The following TLE1 variants were observed in gnomAD, a reference collection of about 807,000 sequenced individuals.
TLE1 encodes the protein TLE family member 1, transcriptional corepressor.
TLE1 carries 21 observed loss-of-function variants against 89.8 expected under a neutral mutation model. The observed-to-expected ratio is 0.23, with a 90% CI of 0.17 to 0.34. The LOEUF is 0.34. TLE1 is among the 10% of genes least tolerant of loss of function. The pLI is 1.00. For missense variants in TLE1, 795 were observed against 1,031.2 expected (o/e 0.77, Z 3.14); for synonymous variants, 447 against 407.6 (o/e 1.10, Z -1.16).
chr9:81,607,059 C>CAAA (rs1831775231), intron 14 of TLE1, among the ~76,000 whole-genome samples: 1 of 66,220 alleles, frequency 1.5e-5, no homozygotes, highest in African/African-American at 1.2e-4. Flanking sequence ...CCCAGTGTCT[C>CAAA]TAAAAAAAAA....
chr9:81,630,504 T>G (rs1389861947), intron 8 of TLE1, among the ~76,000 whole-genome samples: 2 of 152,154 alleles, frequency 1.3e-5, no homozygotes, highest in African/African-American at 2.4e-5. Flanking sequence ...TCTTACCCAG[T>G]AAGTATCAAA....
At chr9:81,611,440 G>A (rs191920130) in intron 13 of TLE1, among the ~76,000 whole-genome samples, 226 of 152,218 alleles carry the variant, frequency 1.5e-3, no homozygotes, top group African/African-American at 3.8e-3. Flanking sequence ...TCATTTCATC[G>A]CCTTCAAATA....
intron 14 of TLE1, among the ~76,000 whole-genome samples, chr9:81,608,936 A>C: frequency 6.6e-6 from 1 of 152,090 alleles, no homozygotes; most frequent in South Asian, 2.1e-4. Context: ...ACTCCGTCTC[A>C]AAAATAATAA....
intron 4 of TLE1, among the ~76,000 whole-genome samples, chr9:81,661,779 A>C (rs1180813588): frequency 6.6e-6 from 1 of 152,078 alleles, no homozygotes; most frequent in Non-Finnish European, 1.5e-5. Flanking sequence ...AAAAATGTAC[A>C]CAGAAACCTC....
chr9:81,608,556 T>C lies in TLE1; in HGVS notation c.1331+1664A>G, dbSNP rs143742695. 2.3e-3 allele frequency among the ~76,000 whole-genome samples: 356 copies of C among 152,236 alleles called. 2 individuals carry two copies. The highest frequency in any genetic ancestry group is 8.3e-3 in the African/African-American group (346 of 41,538). ...CTAATGTGACATGCAAGTGACGTAC[T>C]GATAAAAGCTGAAAGCAACCACATG... On this transcript the variant is annotated intron_variant, in intron 14 of 19. Transcript: ENST00000376499.
intron 6 of TLE1, among the ~76,000 whole-genome samples, chr9:81,642,733 AAG>A (rs1260415331): frequency 6.6e-6 from 1 of 152,112 alleles, no homozygotes; most frequent in Non-Finnish European, 1.5e-5. Flanking sequence ...GAAAGAAAGA[AAG>A]AGAGAGAAAA....
At chr9:81,640,022 C>T (rs1263340385) in intron 6 of TLE1, among the ~76,000 whole-genome samples, 1 of 152,098 alleles carries the variant, frequency 6.6e-6, no homozygotes, top group Admixed American at 6.6e-5. Flanking sequence ...GGACATATGG[C>T]CATGTGTGGA....
chr9:81,593,051 T>C lies in TLE1; in HGVS notation c.1555A>G (p.Ser519Gly). 6.2e-7 allele frequency: 1 copy of C among 1,613,710 alleles called. No individual in the cohort carries two copies. The highest frequency in any genetic ancestry group is 8.5e-7 in the Non-Finnish European group (1 of 1,179,696). The stretch of plus-strand genomic sequence containing the variant: ...AGACAGTCGAGCTGGGAGACAGGGC[T>C]CTTATTGCCAGGGTGGCTGATGTCC... ...VWDISHPGNK[S>G]PVSQLDCLNR... The change falls in exon 15 of 20, where the codon AGC (serine) becomes GGC (glycine). Residue 519 changes from serine to glycine, a missense_variant. This residue lies in a region of TLE1 where 214 missense variants were observed against 354.9 expected (regional missense o/e 0.60). Transcript: ENST00000376499.
intron 4 of TLE1, among the ~76,000 whole-genome samples, 171 bp from the exon 5 acceptor site, chr9:81,654,207 T>C (rs1829885033): frequency 6.6e-6 from 1 of 152,188 alleles, no homozygotes. Context: ...ACAGTAGATA[T>C]TAATCCCACT....
intron 14 of TLE1, 89 bp downstream of exon 14, chr9:81,610,131 G>T: frequency 1.7e-6 from 2 of 1,186,258 alleles, no homozygotes; most frequent in Non-Finnish European, 1.2e-6. Flanking sequence ...AAACGCCCAA[G>T]CCTGTACTCC....
intron 8 of TLE1, among the ~76,000 whole-genome samples, chr9:81,627,150 CT>C (rs1329951740): frequency 1.3e-5 from 2 of 152,066 alleles, no homozygotes; most frequent in Non-Finnish European, 2.9e-5. Context: ...ACCTCCTTAT[CT>C]CAAAGATGAG....
intron 6 of TLE1, among the ~76,000 whole-genome samples, chr9:81,635,477 A>C (rs910060196): frequency 2.6e-5 from 4 of 152,214 alleles, no homozygotes; most frequent in African/African-American, 9.6e-5. Flanking sequence ...ACATTGTATG[A>C]AATGAAAAAG....
intron 5 of TLE1, among the ~76,000 whole-genome samples, chr9:81,653,720 AAGCT>A (rs1829829310): frequency 6.6e-6 from 1 of 152,204 alleles, no homozygotes; most frequent in South Asian, 2.1e-4. Flanking sequence ...CTTAAAGCAA[AAGCT>A]GTACATTGGA....
At chr9:81,617,570 C>T (rs1347499643) in intron 9 of TLE1, among the ~76,000 whole-genome samples, 4 of 152,018 alleles carry the variant, frequency 2.6e-5, no homozygotes, top group African/African-American at 9.7e-5. Flanking sequence ...GGCGTGGTGG[C>T]GCATGCCTGC....
At position 81,585,701 on chromosome 9, in the gene TLE1, T is replaced by A. The variant is rs770449303; in HGVS notation, c.1978-46A>T. On this transcript the variant is annotated intron_variant, in intron 17 of 19. Transcript: ENST00000376499. Reference sequence around the variant, plus strand: ...TCACTCATTATTCCGCCTGATACACTTAGGAAGGGAAGACGCAATGTGAAA... The same window carrying A: ...TCACTCATTATTCCGCCTGATACACATAGGAAGGGAAGACGCAATGTGAAA... 3 of 1,598,260 alleles carry A rather than the reference T, an allele frequency of 1.9e-6. No individual in the cohort carries two copies. In the South Asian group the frequency reaches 3.3e-5, roughly 18 times the overall value.
intron 8 of TLE1, chr9:81,620,993 G>A: frequency 2.4e-6 from 1 of 411,336 alleles, no homozygotes; most frequent in South Asian, 1.9e-5. Context: ...AAGGCACAAA[G>A]GAAGCGGTGG....
Position 81,590,891 on chromosome 9 carries a change from G to A in TLE1, c.1743C>T (p.Ala581=), listed in dbSNP as rs1207104696. The A allele has an allele frequency of 1.9e-6, 3 of 1,614,266 alleles. No homozygotes were observed. Among genetic ancestry groups the A allele is most frequent in the Admixed American group, 1.7e-5 (1 of 60,028 alleles). The change falls in exon 16 of 20, where the codon GCC becomes GCT. Residue 581 remains alanine, a synonymous_variant. Transcript: ENST00000376499. ...AGCAGACCTTGGAATCGGGGCTGAT[G>A]GCCAGGGCGTAGCAGGCGGGGGCCG... ...TSSAPACYAL[A]ISPDSKVCFS... is the part of the protein sequence containing the mutation.
chr9:81,680,490 G>C (rs150029733), intron 4 of TLE1, among the ~76,000 whole-genome samples: 1 of 152,230 alleles, frequency 6.6e-6, no homozygotes, highest in East Asian at 1.9e-4. Flanking sequence ...TCAAAATATT[G>C]ATCATGATAA....
chr9:81,683,721 T>C (rs1274304678), intron 4 of TLE1, among the ~76,000 whole-genome samples: 1 of 152,202 alleles, frequency 6.6e-6, no homozygotes, highest in East Asian at 1.9e-4. Context: ...ATGAAGAACA[T>C]GGTGTCTCTC....
Sources: allele counts gnomAD v4.1 joint callset (sites outside exome capture counted in the v4.1 genomes callset), GRCh38; gene constraint gnomAD v4.1.1; regional missense constraint gnomAD v4.1.1; transcripts MANE v1.5; gene names NCBI Gene and HGNC (gene_info 2026-07-23, HGNC 2026-07-21).